The following RAB11FIP1 variants were observed in gnomAD, a reference collection of about 807,000 sequenced individuals.
The protein encoded by RAB11FIP1 is rab11 family-interacting protein 1.
RAB11FIP1 carries 49 observed loss-of-function variants against 83.1 expected under a neutral mutation model. That is an observed-to-expected ratio of 0.59 (90% CI 0.47 to 0.75). The LOEUF is 0.75. RAB11FIP1 is among the 30% of genes least tolerant of loss of function. The pLI is 0.00. For synonymous variants in RAB11FIP1, 670 were observed against 656.0 expected (o/e 1.02, Z -0.33); for missense variants, 1,536 against 1,598.7 (o/e 0.96, Z 0.67).
intron 1 of RAB11FIP1, among the ~76,000 whole-genome samples, chr8:37,880,632 G>A (rs556261919): frequency 1.4e-4 from 21 of 151,688 alleles, no homozygotes; most frequent in South Asian, 8.4e-4. Context: ...GCAGTGGTGC[G>A]TACTTAATAG....
chr8:37,874,377 A>T (rs1263637861), intron 3 of RAB11FIP1, 138 bp downstream of exon 3: 1 of 716,442 alleles, frequency 1.4e-6, no homozygotes, highest in Admixed American at 2.7e-5. Context: ...CTGGTTAAAA[A>T]AATAATTTAG....
chr8:37,872,012 G>C lies in RAB11FIP1; in HGVS notation c.2790C>G (p.His930Gln). The C allele has an allele frequency of 1.2e-6, 2 of 1,614,108 alleles. No individual in the cohort carries two copies. The highest frequency in any genetic ancestry group is 1.1e-5 in the South Asian group (1 of 91,086). The change falls in exon 4 of 6, where the codon CAC (histidine) becomes CAG (glutamine). Residue 930 changes from histidine to glutamine, a missense_variant. His to Gln is a conservative substitution (Grantham distance 24). Coordinates refer to ENST00000330843, the MANE Select transcript of RAB11FIP1 (RefSeq NM_001002814.3). ...VTQYQSKASD[H>Q]EGLLSDPLSD... Reference sequence around the variant, plus strand: ...TCAAGGGGTCAGACAATAAACCTTCGTGGTCACTGGCTTTGCTCTGATACT... The same window carrying C: ...TCAAGGGGTCAGACAATAAACCTTCCTGGTCACTGGCTTTGCTCTGATACT...
At chr8:37,898,805 G>A (rs1335638852) in intron 1 of RAB11FIP1, among the ~76,000 whole-genome samples, 7 of 145,128 alleles carry the variant, frequency 4.8e-5, no homozygotes, top group African/African-American at 1.3e-4. Context: ...CAGCCCGGGC[G>A]ACAGAGACTC....
At chr8:37,896,902 G>A (rs981517729) in intron 1 of RAB11FIP1, among the ~76,000 whole-genome samples, 2 of 152,210 alleles carry the variant, frequency 1.3e-5, no homozygotes, top group African/African-American at 4.8e-5. Flanking sequence ...GCAGGGAGAT[G>A]TGATCTACCT....
intron 1 of RAB11FIP1, among the ~76,000 whole-genome samples, chr8:37,898,804 C>A (rs570718741): frequency 1.3e-4 from 19 of 144,622 alleles, no homozygotes; most frequent in South Asian, 6.7e-4. Context: ...CCAGCCCGGG[C>A]GACAGAGACT....
chr8:37,878,296 A>C (rs1563370983), intron 1 of RAB11FIP1, among the ~76,000 whole-genome samples: 1 of 151,850 alleles, frequency 6.6e-6, no homozygotes, highest in Non-Finnish European at 1.5e-5. Flanking sequence ...GCACTTTGGG[A>C]GGCTGAGGTG....
intron 1 of RAB11FIP1, among the ~76,000 whole-genome samples, chr8:37,898,259 C>T (rs1286149495): frequency 6.6e-6 from 1 of 152,168 alleles, no homozygotes; most frequent in Non-Finnish European, 1.5e-5. Flanking sequence ...GCCTGTAATC[C>T]CAATACTTTG....
In RAB11FIP1 at chr8:37,874,736, C is replaced by G. The variant is rs763767192; in HGVS notation, c.1401G>C (p.Leu467=). ...CGTCCTCCCCCGGCTTAACCCCCATCAGCATGCCTTCCTTCTCCCTCCCTG... is the reference window on the plus strand; with the variant it reads ...CGTCCTCCCCCGGCTTAACCCCCATGAGCATGCCTTCCTTCTCCCTCCCTG... ...TVPGREKEGM[L]MGVKPGEDAS... The change falls in exon 3 of 6, where the codon CTG becomes CTC. Residue 467 remains leucine (L), a synonymous_variant. Coordinates refer to ENST00000330843, the MANE Select transcript of RAB11FIP1 (RefSeq NM_001002814.3). The G allele has an allele frequency of 6.2e-7, 1 of 1,614,218 alleles. No homozygotes were observed. Among genetic ancestry groups the G allele is most frequent in the Non-Finnish European group, 8.5e-7 (1 of 1,180,044 alleles).
Position 37,863,123 on chromosome 8 carries a change from G to T in RAB11FIP1, c.3634-10C>A. The T allele has an allele frequency of 6.2e-7, 1 of 1,602,574 alleles. No individual in the cohort carries two copies. Among genetic ancestry groups the T allele is most frequent in the South Asian group, 1.1e-5 (1 of 90,670 alleles). ...CCGAGGGGCTGTATTTCTTTGGAGGGGGGGAAATAGTTGGGAAAAAGGAGT... is the reference window on the plus strand; with the variant it reads ...CCGAGGGGCTGTATTTCTTTGGAGGTGGGGAAATAGTTGGGAAAAAGGAGT... On this transcript the variant is annotated splice_polypyrimidine_tract_variant and intron_variant, in intron 5 of 5. Transcript: ENST00000330843.
chr8:37,865,927 G>A (rs1313845328), intron 5 of RAB11FIP1, among the ~76,000 whole-genome samples: 1 of 152,018 alleles, frequency 6.6e-6, no homozygotes, highest in Non-Finnish European at 1.5e-5. Context: ...CACACTTAAG[G>A]TACTTCATAC....
At chr8:37,866,164 T>C (rs1351663452) in intron 5 of RAB11FIP1, among the ~76,000 whole-genome samples, 2 of 151,848 alleles carry the variant, frequency 1.3e-5, no homozygotes, top group Non-Finnish European at 2.9e-5. Flanking sequence ...TGAAACCTCT[T>C]CTCTACTAAA....
intron 1 of RAB11FIP1, among the ~76,000 whole-genome samples, chr8:37,889,869 T>C (rs1048099412): frequency 6.6e-6 from 1 of 152,154 alleles, no homozygotes; most frequent in Non-Finnish European, 1.5e-5. Flanking sequence ...CCGCAAGCTC[T>C]GCCTCCCAGG....
chr8:37,896,906 T>G (rs1320303808), intron 1 of RAB11FIP1, among the ~76,000 whole-genome samples: 1 of 152,148 alleles, frequency 6.6e-6, no homozygotes, highest in Non-Finnish European at 1.5e-5. Flanking sequence ...GGAGATGTGA[T>G]CTACCTCTCA....
chr8:37,876,519 G>C (rs1398452779), intron 2 of RAB11FIP1, among the ~76,000 whole-genome samples: 3 of 151,478 alleles, frequency 2.0e-5, no homozygotes, highest in Non-Finnish European at 4.4e-5. Flanking sequence ...GATTCCTTGA[G>C]CCCAGGAGTT....
intron 1 of RAB11FIP1, 35 bp from the exon 2 acceptor site, chr8:37,877,586 T>C (rs562420583): frequency 1.5e-6 from 2 of 1,351,880 alleles, no homozygotes; most frequent in African/African-American, 1.4e-5. Flanking sequence ...TACCTTTGAA[T>C]GGAAGCAACT....
intron 1 of RAB11FIP1, among the ~76,000 whole-genome samples, chr8:37,895,512 T>C (rs554702644): frequency 6.6e-6 from 1 of 151,194 alleles, no homozygotes; most frequent in Admixed American, 6.6e-5. Context: ...CCTGTTAGAT[T>C]CATGTCTGTT....
At chr8:37,896,936 T>A (rs1190790701) in intron 1 of RAB11FIP1, among the ~76,000 whole-genome samples, 1 of 152,036 alleles carries the variant, frequency 6.6e-6, no homozygotes, top group African/African-American at 2.4e-5. Context: ...AATGTCCACA[T>A]AAGAAACAGG....
intron 5 of RAB11FIP1, among the ~76,000 whole-genome samples, chr8:37,864,484 G>A (rs1158027191): frequency 6.6e-6 from 1 of 152,170 alleles, no homozygotes; most frequent in Non-Finnish European, 1.5e-5. Context: ...TGCCTACCAG[G>A]AAGGCCAAGA....
rs755971581 is a variant in RAB11FIP1 at position 37,872,909 on chromosome 8, G to T, written c.1893C>A (p.Leu631=). The change falls in exon 4 of 6, where the codon CTC becomes CTA. Residue 631 remains leucine (L), a synonymous_variant. Transcript: ENST00000330843. ...TCTCAGTTTGCAACTCTGCCTTAGG[G>T]AGCAAGGGTGGTCCTTCAGACTTGG... ...GQAKSEGPPL[L]PKAELQTESL... 8 of 1,614,098 alleles carry T rather than the reference G, an allele frequency of 5.0e-6. No individual in the cohort carries two copies. Among genetic ancestry groups the T allele is most frequent in the Non-Finnish European group, 6.8e-6 (8 of 1,180,040 alleles).
Sources: allele counts gnomAD v4.1 joint callset (sites outside exome capture counted in the v4.1 genomes callset), GRCh38; gene constraint gnomAD v4.1.1; transcripts MANE v1.5; gene names NCBI Gene and HGNC (gene_info 2026-07-23, HGNC 2026-07-21).